The following GBE1 variants were observed in gnomAD, a reference collection of about 807,000 sequenced individuals.
GBE1 encodes 1,4-alpha-glucan-branching enzyme.
GBE1 carries 70 observed loss-of-function variants against 88.8 expected under a neutral mutation model. The ratio of observed to expected loss-of-function variants is 0.79; its 90% CI spans 0.65 to 0.96. The LOEUF (loss-of-function observed/expected upper bound fraction) is 0.96, where lower values mean the gene tolerates loss of function less well. Ranked by LOEUF, GBE1 falls within the 40% of genes least tolerant of loss-of-function variation. The probability of loss-of-function intolerance (pLI) is 0.00; values close to 1 mark genes in which losing one functional copy is unlikely to be tolerated. For synonymous variants in GBE1, 284 were observed against 300.1 expected (o/e 0.95, Z 0.56); for missense variants, 872 against 871.0 (o/e 1.00, Z -0.01).
chr3:81,533,103 T>C (rs906944389), intron 14 of GBE1, among the ~76,000 whole-genome samples: 1 of 152,080 alleles, frequency 6.6e-6, no homozygotes, highest in Admixed American at 6.6e-5. Context: ...GCTGCAAAGA[T>C]ATAACAAAGA....
chr3:81,631,826 TAA>T (rs1704517035), intron 7 of GBE1, among the ~76,000 whole-genome samples: 1 of 152,192 alleles, frequency 6.6e-6, no homozygotes, highest in South Asian at 2.1e-4. Flanking sequence ...TATTATACTT[TAA>T]GTTCTGGGAT....
Position 81,506,301 on chromosome 3 carries a change from G to A in GBE1, c.1935-7074C>T, listed in dbSNP as rs570276398. 5.9e-5 allele frequency among the ~76,000 whole-genome samples: 9 copies of A among 152,172 alleles called. No individual in the cohort carries two copies. The South Asian group carries it at 1.0e-3, about 18-fold the overall frequency. On this transcript the variant is annotated intron_variant, in intron 14 of 15. Transcript: ENST00000429644. ...ATATACAAGCAGCCAACAATCATAC[G>A]AAATAAAGCTCAACATCACTGATCC...
intron 3 of GBE1, 129 bp from the exon 4 acceptor site, chr3:81,650,050 GT>G: frequency 1.5e-6 from 1 of 645,990 alleles, no homozygotes; most frequent in Non-Finnish European, 2.6e-6. Context: ...CCATACAGAT[GT>G]GTGACCTTCA....
At chr3:81,604,282 C>CTTTTTTTTTTTT (rs71633685) in intron 7 of GBE1, among the ~76,000 whole-genome samples, 1 of 112,616 alleles carries the variant, frequency 8.9e-6, no homozygotes, top group African/African-American at 4.2e-5. Flanking sequence ...TCTTTTCTTT[C>CTTTTTTTTTTTT]TTTCTTTTTT....
At chr3:81,743,771 C>T (rs1706383841) in intron 1 of GBE1, 2 of 545,278 alleles carry the variant, frequency 3.7e-6, no homozygotes, top group African/African-American at 3.9e-5. Flanking sequence ...ATAGGACGGA[C>T]ATGATGCATT....
At chr3:81,575,244 T>C (rs1461444801) in intron 12 of GBE1, among the ~76,000 whole-genome samples, 1 of 151,950 alleles carries the variant, frequency 6.6e-6, no homozygotes, top group Non-Finnish European at 1.5e-5. Flanking sequence ...CTCCCTTCTA[T>C]ATTCAATTAT....
intron 7 of GBE1, among the ~76,000 whole-genome samples, chr3:81,637,970 C>G (rs1017893955): frequency 6.6e-6 from 1 of 151,986 alleles, no homozygotes; most frequent in Non-Finnish European, 1.5e-5. Flanking sequence ...CATAGAAAAG[C>G]CATATGGTAA....
At chr3:81,572,812 T>A (rs1337833560) in intron 12 of GBE1, among the ~76,000 whole-genome samples, 1 of 152,142 alleles carries the variant, frequency 6.6e-6, no homozygotes, top group Non-Finnish European at 1.5e-5. Context: ...AGGGTTGGTG[T>A]TTTTTTCCCT....
chr3:81,520,901 A>C (rs944274119), intron 14 of GBE1, among the ~76,000 whole-genome samples: 1 of 151,562 alleles, frequency 6.6e-6, no homozygotes, highest in Non-Finnish European at 1.5e-5. Flanking sequence ...CTGCAGAAAC[A>C]ATTATAAGAT....
At chr3:81,497,535 A>G (rs1452004874) in intron 15 of GBE1, among the ~76,000 whole-genome samples, 2 of 152,106 alleles carry the variant, frequency 1.3e-5, no homozygotes, top group Non-Finnish European at 2.9e-5. Context: ...AAATTAATCA[A>G]TTTCTCAGTG....
At chr3:81,679,566 A>G (rs1372290249) in intron 2 of GBE1, among the ~76,000 whole-genome samples, 2 of 152,176 alleles carry the variant, frequency 1.3e-5, no homozygotes, top group Non-Finnish European at 2.9e-5. Context: ...TAGGCACTCA[A>G]ATAATTTTCT....
At chr3:81,755,612 T>C (rs1243077872) in intron 1 of GBE1, among the ~76,000 whole-genome samples, 1 of 152,180 alleles carries the variant, frequency 6.6e-6, no homozygotes, top group African/African-American at 2.4e-5. Flanking sequence ...AACTACAGTA[T>C]ATATACACAA....
At chr3:81,573,996 G>A (rs879595250) in intron 12 of GBE1, among the ~76,000 whole-genome samples, 7 of 152,102 alleles carry the variant, frequency 4.6e-5, no homozygotes, top group Non-Finnish European at 1.0e-4. Flanking sequence ...ACACATGAAA[G>A]CTAAGGCTGT....
chr3:81,726,770 C>T (rs1321814818), intron 1 of GBE1, among the ~76,000 whole-genome samples: 1 of 151,976 alleles, frequency 6.6e-6, no homozygotes, highest in African/African-American at 2.4e-5. Flanking sequence ...TTAGTAGAGA[C>T]AAGATTCCAC....
At position 81,685,417 on chromosome 3, in the gene GBE1, G is replaced by A. The variant is rs148924807; in HGVS notation, c.314-14464C>T. On this transcript the variant is annotated intron_variant, in intron 2 of 15. Coordinates refer to ENST00000429644, the MANE Select transcript of GBE1 (RefSeq NM_000158.4). ...GTTGTTGTCTTCTGTTTGTTTGTTT[G>A]TTTTTTGGTTTGATCATGCAATGGC... 6.6e-5 allele frequency among the ~76,000 whole-genome samples: 10 copies of A among 151,828 alleles called. No individual in the cohort carries two copies. The East Asian group carries it at 1.7e-3, about 27-fold the overall frequency.
chr3:81,533,477 T>C (rs1412459262), intron 14 of GBE1, among the ~76,000 whole-genome samples: 1 of 152,064 alleles, frequency 6.6e-6, no homozygotes, highest in Non-Finnish European at 1.5e-5. Flanking sequence ...AGTGATTGGC[T>C]GGGTGGGAAG....
At chr3:81,620,865 C>A (rs1355051032) in intron 7 of GBE1, among the ~76,000 whole-genome samples, 1 of 152,002 alleles carries the variant, frequency 6.6e-6, no homozygotes. Flanking sequence ...GATATGTGGT[C>A]TTAAAATATA....
intron 2 of GBE1, among the ~76,000 whole-genome samples, chr3:81,697,647 G>A (rs1705620176): frequency 6.6e-6 from 1 of 152,138 alleles, no homozygotes; most frequent in African/African-American, 2.4e-5. Context: ...ACCCCAATGT[G>A]TTCAGCTATC....
At chr3:81,697,536 G>A (rs1164473193) in intron 2 of GBE1, among the ~76,000 whole-genome samples, 4 of 152,214 alleles carry the variant, frequency 2.6e-5, no homozygotes, top group East Asian at 3.9e-4. Context: ...TCCTGACCTC[G>A]TGATCCGCTG....
Sources: allele counts gnomAD v4.1 joint callset (sites outside exome capture counted in the v4.1 genomes callset), GRCh38; gene constraint gnomAD v4.1.1; transcripts MANE v1.5; gene names NCBI Gene and HGNC (gene_info 2026-07-23, HGNC 2026-07-21).